TOX2: variants seen among roughly 807,000 people sequenced by gnomAD.
TOX2 encodes the protein granulosa cell HMG box 1.
Under a neutral mutation model 47.4 loss-of-function variants are expected in TOX2, and 15 were observed. That is an observed-to-expected ratio of 0.32 (90% confidence interval 0.21 to 0.49). TOX2 has a LOEUF of 0.49. Ranked by LOEUF, TOX2 falls within the 20% of genes least tolerant of loss-of-function variation. The pLI, the probability that TOX2 is intolerant of heterozygous loss-of-function variation, is 0.99. For synonymous variants in TOX2, 290 were observed against 296.6 expected (o/e 0.98, Z 0.23); for missense variants, 622 against 673.1 (o/e 0.92, Z 0.84).
At chr20:44,051,638 A>G (rs1238627752) in intron 4 of TOX2, 93 bp downstream of exon 4, 4 of 1,479,424 alleles carry the variant, frequency 2.7e-6, no homozygotes, top group Non-Finnish European at 3.6e-6. Context: ...CCTCTAGTAA[A>G]GACTAGAAAA....
At chr20:43,923,547 C>T (rs1275176231) in intron 1 of TOX2, among the ~76,000 whole-genome samples, 3 of 152,216 alleles carry the variant, frequency 2.0e-5, no homozygotes, top group Non-Finnish European at 2.9e-5. Context: ...GGGATCCACA[C>T]TTAGAGAACC....
intron 1 of TOX2, among the ~76,000 whole-genome samples, chr20:43,928,832 C>T (rs1307596667): frequency 6.6e-6 from 1 of 152,040 alleles, no homozygotes; most frequent in Non-Finnish European, 1.5e-5. Flanking sequence ...TGTCTCTTCT[C>T]CATACAAAGC....
At chr20:43,951,089 C>T (rs1198323125) in intron 1 of TOX2, among the ~76,000 whole-genome samples, 1 of 152,092 alleles carries the variant, frequency 6.6e-6, no homozygotes, top group African/African-American at 2.4e-5. Flanking sequence ...CCCCTGCTGA[C>T]CTTCAGGGCG....
intron 1 of TOX2, among the ~76,000 whole-genome samples, chr20:43,955,686 ATGCTG>A (rs1427399608): frequency 1.3e-5 from 2 of 152,126 alleles, no homozygotes; most frequent in Non-Finnish European, 2.9e-5. Flanking sequence ...TCTGCATAAC[ATGCTG>A]GGGCTGTCAT....
At chr20:44,052,025 C>A (rs774598896) in intron 4 of TOX2, among the ~76,000 whole-genome samples, 1 of 152,210 alleles carries the variant, frequency 6.6e-6, no homozygotes, top group African/African-American at 2.4e-5. Flanking sequence ...GAGGTGTGGA[C>A]GGCTTCAGCA....
rs556263372 is a variant in TOX2, at chr20:44,065,684, C to G, written c.961-28C>G. The G allele has an allele frequency of 2.0e-5, 31 of 1,552,490 alleles. No individual in the cohort carries two copies. The South Asian group carries it at 3.5e-4, about 18-fold the overall frequency. ...TTCTGGCTCATCCCTCTTCTGTTCTCCAGTGACTGATATCTGTCTCCTTCC... is the reference window on the plus strand; with the variant it reads ...TTCTGGCTCATCCCTCTTCTGTTCTGCAGTGACTGATATCTGTCTCCTTCC... On this transcript the variant is annotated intron_variant, in intron 6 of 8. Transcript: ENST00000341197.
At chr20:43,984,248 T>C (rs2070223867) in intron 2 of TOX2, among the ~76,000 whole-genome samples, 1 of 152,232 alleles carries the variant, frequency 6.6e-6, no homozygotes, top group Admixed American at 6.5e-5. Flanking sequence ...TCATGAGTTC[T>C]GAATAAATAC....
rs891351644 is a variant in TOX2 at position 43,963,048 on chromosome 20, T to C, written c.100-10319T>C. Among the ~76,000 whole-genome samples the C allele has an allele frequency of 1.5e-4, 23 of 152,148 alleles. 1 individual carries two copies. Among genetic ancestry groups the C allele is most frequent in the African/African-American group, 4.6e-4 (19 of 41,434 alleles). ...TTGAGATTCAGTGTGGACTTTATAC[T>C]TACCCACATCTCAGTTTGGACTAGG... On this transcript the variant is annotated intron_variant, in intron 1 of 8. Transcript: ENST00000341197.
At chr20:44,021,138 C>T (rs1043059914) in intron 3 of TOX2, among the ~76,000 whole-genome samples, 1 of 152,072 alleles carries the variant, frequency 6.6e-6, no homozygotes, top group African/African-American at 2.4e-5. Context: ...AGAAAGGGGG[C>T]CTAGGACAGG....
At chr20:44,002,492 A>G (rs1332320028) in intron 2 of TOX2, among the ~76,000 whole-genome samples, 1 of 152,236 alleles carries the variant, frequency 6.6e-6, no homozygotes, top group African/African-American at 2.4e-5. Context: ...TATTCTTTAT[A>G]GCAGCCCTGT....
At chr20:43,965,142 G>A (rs531920026) in intron 1 of TOX2, among the ~76,000 whole-genome samples, 2 of 152,298 alleles carry the variant, frequency 1.3e-5, no homozygotes, top group East Asian at 1.9e-4. Flanking sequence ...GGGGTCCTGG[G>A]ATAGGAGGAC....
chr20:44,001,051 G>A (rs1002276347), intron 2 of TOX2, among the ~76,000 whole-genome samples: 6 of 152,208 alleles, frequency 3.9e-5, no homozygotes, highest in African/African-American at 1.4e-4. Flanking sequence ...GAAATGAAGA[G>A]GTAACTCTTT....
intron 3 of TOX2, among the ~76,000 whole-genome samples, chr20:44,027,121 GC>G (rs2145674061): frequency 6.6e-6 from 1 of 152,300 alleles, no homozygotes; most frequent in Non-Finnish European, 1.5e-5. Flanking sequence ...CTGTTGCAGG[GC>G]CTGATGAATA....
At chr20:44,036,815 C>A (rs999085139) in intron 3 of TOX2, among the ~76,000 whole-genome samples, 2 of 152,240 alleles carry the variant, frequency 1.3e-5, no homozygotes, top group Admixed American at 6.5e-5. Flanking sequence ...AGTTTGCCAA[C>A]CCCTGGATCT....
intron 3 of TOX2, among the ~76,000 whole-genome samples, chr20:44,020,275 G>A (rs893929798): frequency 1.8e-4 from 28 of 152,144 alleles, no homozygotes; most frequent in Admixed American, 1.8e-3. Context: ...AGAAGTAGGT[G>A]GAGCTCCTGC....
Position 43,954,937 on chromosome 20 carries a change from G to A in TOX2, c.100-18430G>A, listed in dbSNP as rs527971555. On this transcript the variant is annotated intron_variant, in intron 1 of 8. Transcript: ENST00000341197. ...ATACAGAGGGACAGCCTTCTAGCAC[G>A]TGACTCCTGGTGCTTGATTCGCTTG... 3.9e-5 allele frequency among the ~76,000 whole-genome samples: 6 copies of A among 152,286 alleles called. No homozygotes were observed. The South Asian group carries it at 8.3e-4, about 21-fold the overall frequency.
intron 3 of TOX2, among the ~76,000 whole-genome samples, chr20:44,043,215 A>G (rs781591523): frequency 3.9e-5 from 6 of 152,146 alleles, no homozygotes; most frequent in Non-Finnish European, 7.3e-5. Context: ...CAATTAAGTT[A>G]TGTAGGTACC....
chr20:43,974,858 G>A (rs1163691666), intron 2 of TOX2, among the ~76,000 whole-genome samples: 2 of 152,238 alleles, frequency 1.3e-5, no homozygotes, highest in South Asian at 2.1e-4. Flanking sequence ...CTCATGCCGG[G>A]GCCACCATAC....
intron 3 of TOX2, among the ~76,000 whole-genome samples, chr20:44,041,392 A>C (rs2071329614): frequency 6.6e-6 from 1 of 152,214 alleles, no homozygotes; most frequent in South Asian, 2.1e-4. Flanking sequence ...GGGCATCCTC[A>C]ACTAGCAGGC....
Sources: gnomAD v4.1 joint callset for allele counts (sites outside exome capture counted in the v4.1 genomes callset) on GRCh38, gnomAD v4.1.1 for gene constraint, MANE v1.5 for transcripts, NCBI Gene and HGNC (gene_info 2026-07-23, HGNC 2026-07-21) for gene names.